Variants in CEP112 observed in about 807,000 individuals in gnomAD.
CEP112 encodes the protein centrosomal protein 112, also known as centrosomal protein of 112 kDa.
Under a neutral mutation model 153.0 loss-of-function variants are expected in CEP112, and 127 were observed. That is an observed-to-expected ratio of 0.83 (90% confidence interval 0.72 to 0.96). The LOEUF is 0.96. Among genes scored for constraint, CEP112 ranks in the 40% least tolerant of loss-of-function variants. CEP112 has a pLI of 0.00. For synonymous variants in CEP112, 358 were observed against 374.4 expected, an observed-to-expected ratio of 0.96 and a Z score of 0.51; for missense variants, 1,089 against 1,101.2, an observed-to-expected ratio of 0.99 and a Z score of 0.16.
intron 17 of CEP112, among the ~76,000 whole-genome samples, chr17:65,970,088 C>A (rs566483184): frequency 1.3e-5 from 2 of 152,332 alleles, no homozygotes; most frequent in African/African-American, 2.4e-5. Flanking sequence ...ATGCCACCTG[C>A]ATATTACATG....
chr17:66,142,338 A>G (rs2070737210), intron 4 of CEP112, among the ~76,000 whole-genome samples: 1 of 152,178 alleles, frequency 6.6e-6, no homozygotes, highest in East Asian at 1.9e-4. Flanking sequence ...TTTGCTGTGC[A>G]GGAGATTTTT....
chr17:65,671,546 G>A (rs899463191), intron 24 of CEP112, among the ~76,000 whole-genome samples: 3 of 152,156 alleles, frequency 2.0e-5, no homozygotes, highest in African/African-American at 7.2e-5. Context: ...CTTCTATGTG[G>A]TGAAAGTTGA....
intron 8 of CEP112, among the ~76,000 whole-genome samples, chr17:66,073,843 T>G (rs2067387198): frequency 6.6e-6 from 1 of 151,986 alleles, no homozygotes; most frequent in Non-Finnish European, 1.5e-5. Flanking sequence ...ACAAAAAAAT[T>G]CTATGGAGAA....
chr17:65,929,133 G>A (rs918155644), intron 18 of CEP112, among the ~76,000 whole-genome samples: 1 of 152,186 alleles, frequency 6.6e-6, no homozygotes, highest in Non-Finnish European at 1.5e-5. Flanking sequence ...GATGATGTTT[G>A]CATAACATCC....
intron 18 of CEP112, among the ~76,000 whole-genome samples, chr17:65,931,508 C>T (rs982698152): frequency 1.6e-4 from 24 of 152,186 alleles, no homozygotes; most frequent in African/African-American, 5.1e-4. Context: ...ACTTCTGCCT[C>T]GCCTTAAAAG....
intron 21 of CEP112, among the ~76,000 whole-genome samples, chr17:65,848,614 C>T (rs2057810566): frequency 6.6e-6 from 1 of 152,134 alleles, no homozygotes; most frequent in African/African-American, 2.4e-5. Flanking sequence ...ACTGGCCAGG[C>T]CTTCTCTGTG....
intron 21 of CEP112, among the ~76,000 whole-genome samples, chr17:65,752,059 C>T (rs748946355): frequency 3.5e-4 from 53 of 150,208 alleles, no homozygotes; most frequent in Non-Finnish European, 5.9e-4. Context: ...TCCATCCATC[C>T]ATCCATCATC....
chr17:65,744,038 C>T (rs2051291943), intron 22 of CEP112, among the ~76,000 whole-genome samples: 1 of 152,152 alleles, frequency 6.6e-6, no homozygotes, highest in African/African-American at 2.4e-5. Context: ...GTTGGGATTA[C>T]AGGCGTGAGC....
At chr17:65,718,143 C>T (rs544953745) in intron 23 of CEP112, among the ~76,000 whole-genome samples, 10 of 152,242 alleles carry the variant, frequency 6.6e-5, no homozygotes, top group African/African-American at 1.7e-4. Flanking sequence ...CGGTGGCTCA[C>T]GCCTGTAATC....
intron 20 of CEP112, among the ~76,000 whole-genome samples, chr17:65,876,894 C>T (rs541609979): frequency 4.6e-5 from 7 of 152,012 alleles, no homozygotes; most frequent in Non-Finnish European, 7.4e-5. Context: ...ATATCATTTT[C>T]GATATTTCAG....
intron 11 of CEP112, among the ~76,000 whole-genome samples, chr17:66,058,531 C>T (rs186219892): frequency 3.8e-4 from 58 of 151,958 alleles, no homozygotes; most frequent in East Asian, 3.7e-3. Context: ...CAAAAAAGAG[C>T]CTGAATAGTT....
intron 24 of CEP112, among the ~76,000 whole-genome samples, chr17:65,651,436 T>C (rs1418605073): frequency 6.6e-6 from 1 of 152,178 alleles, no homozygotes; most frequent in African/African-American, 2.4e-5. Context: ...ATGACTTCTT[T>C]TCCTCTGGGT....
intron 21 of CEP112, among the ~76,000 whole-genome samples, chr17:65,841,073 C>T (rs1161498396): frequency 6.6e-6 from 1 of 151,978 alleles, no homozygotes; most frequent in African/African-American, 2.4e-5. Context: ...AGTATAGTCA[C>T]TATAGAAAAC....
chr17:66,086,320 T>C (rs1315074225), intron 8 of CEP112, among the ~76,000 whole-genome samples: 1 of 150,056 alleles, frequency 6.7e-6, no homozygotes, highest in East Asian at 1.9e-4. Context: ...TTTATCCTCA[T>C]GCCAACAATT....
chr17:66,007,237 G>A (rs2064314679), intron 16 of CEP112, among the ~76,000 whole-genome samples: 1 of 152,112 alleles, frequency 6.6e-6, no homozygotes, highest in Non-Finnish European at 1.5e-5. Flanking sequence ...GAGAGGCAGA[G>A]AAGAAAAAGC....
At chr17:65,971,712 G>A (rs973744156) in intron 17 of CEP112, among the ~76,000 whole-genome samples, 2 of 152,094 alleles carry the variant, frequency 1.3e-5, no homozygotes, top group Non-Finnish European at 2.9e-5. Flanking sequence ...CATATTACAT[G>A]CATGCATAAA....
At chr17:66,186,635 C>T (rs1185571409) in intron 1 of CEP112, among the ~76,000 whole-genome samples, 1 of 152,152 alleles carries the variant, frequency 6.6e-6, no homozygotes, top group African/African-American at 2.4e-5. Context: ...CTAGATCTTT[C>T]CTTTCTACTT....
At chr17:66,164,130 T>C (rs1014941034) in intron 4 of CEP112, among the ~76,000 whole-genome samples, 5 of 152,226 alleles carry the variant, frequency 3.3e-5, no homozygotes, top group African/African-American at 1.2e-4. Context: ...AGAGGTTTTA[T>C]ATGTGTGAAA....
chr17:66,189,259 G>A (rs2073068955), intron 1 of CEP112, among the ~76,000 whole-genome samples: 1 of 152,136 alleles, frequency 6.6e-6, no homozygotes, highest in Non-Finnish European at 1.5e-5. Flanking sequence ...CCAGCACGTT[G>A]GGAAGCTGAG....
Sources: allele counts gnomAD v4.1 joint callset (sites outside exome capture counted in the v4.1 genomes callset), GRCh38; gene constraint gnomAD v4.1.1; transcripts MANE v1.5; gene names NCBI Gene and HGNC (gene_info 2026-07-23, HGNC 2026-07-21).